PDE6B: variants seen among roughly 807,000 people sequenced by gnomAD.
PDE6B encodes rod cGMP-specific 3',5'-cyclic phosphodiesterase subunit beta.
In PDE6B, 106 loss-of-function variants were observed where a neutral mutation model predicts 109.0. That is an observed-to-expected ratio of 0.97 (90% CI 0.83 to 1.14). The LOEUF (loss-of-function observed/expected upper bound fraction) is 1.14, where lower values mean the gene tolerates loss of function less well. Ranked by LOEUF, PDE6B falls within the 50% of genes most tolerant of loss-of-function variation. The pLI is 0.00. For synonymous variants in PDE6B, 490 were observed against 471.3 expected, an observed-to-expected ratio of 1.04 and a Z score of -0.51; for missense variants, 1,193 against 1,155.6, an observed-to-expected ratio of 1.03 and a Z score of -0.47.
Position 626,966 on chromosome 4 carries a change from G to A in PDE6B, c.468+872G>A, listed in dbSNP as rs10017347. ...AGCCCCTTCTCCCTGTCCTGCACCC[G>A]TCCCAGCTTCCTCTCCCCTTTTCTG... On this transcript the variant is annotated intron_variant, in intron 1 of 21. Coordinates refer to ENST00000496514, the MANE Select transcript of PDE6B (RefSeq NM_000283.4). The surrounding 1 kb of genome is among the most constrained non-coding windows in gnomAD (Gnocchi z 4.6). 0.024 allele frequency among the ~76,000 whole-genome samples: 3,616 copies of A among 152,226 alleles called. 143 individuals are homozygous for A. The highest frequency in any genetic ancestry group is 0.083 in the African/African-American group (3,456 of 41,522).
At chr4:647,141 C>T (rs1167259184) in intron 3 of PDE6B, among the ~76,000 whole-genome samples, 5 of 152,030 alleles carry the variant, frequency 3.3e-5, no homozygotes, top group East Asian at 1.9e-4. Flanking sequence ...TACAGGCATG[C>T]GCCACCTCGC....
rs111504036 is a variant in PDE6B, at chr4:666,617, G to A, written c.2352+3G>A. The A allele has an allele frequency of 2.6e-4, 418 of 1,603,580 alleles. No individual in the cohort carries two copies. Among genetic ancestry groups the A allele is most frequent in the Middle Eastern group, 9.9e-4 (6 of 6,038 alleles). On this transcript the variant is annotated splice_donor_region_variant and intron_variant, in intron 20 of 21. Transcript: ENST00000496514. This position sits in a 1 kb window ranked among gnomAD's most constrained non-coding sequence, Gnocchi z 5.6. The stretch of plus-strand genomic sequence containing the variant: ...TCGTGTGCACATTCGTGTACAAGGC[G>A]AGTGGTTCACGGGTGTTCCGAGCTG...
intron 2 of PDE6B, among the ~76,000 whole-genome samples, chr4:635,345 G>GCCTC (rs1310442347): frequency 6.1e-5 from 8 of 130,856 alleles, no homozygotes; most frequent in African/African-American, 2.2e-4. Context: ...CTCCTTACCT[G>GCCTC]CCTGCCTGCC....
In PDE6B at chr4:634,723, CAA is replaced by C; in HGVS notation, c.517_518del (p.Lys173GlufsTer75). On this transcript the variant is annotated frameshift_variant, in exon 2 of 22. Coordinates refer to ENST00000496514, the MANE Select transcript of PDE6B (RefSeq NM_000283.4). LOFTEE classifies it high-confidence loss of function. The stretch of plus-strand genomic sequence containing the variant: ...GCTGACGAGCTCACTGACTACAAGA[CAA>C]AGAATATGCTGGCCACACCCATCAT... 6.2e-7 allele frequency: 1 copy of C among 1,612,642 alleles called. No individual in the cohort carries two copies. The highest frequency in any genetic ancestry group is 8.5e-7 in the Non-Finnish European group (1 of 1,178,612).
At chr4:627,167 G>A (rs1734151768) in intron 1 of PDE6B, among the ~76,000 whole-genome samples, 4 of 143,958 alleles carry the variant, frequency 2.8e-5, no homozygotes, top group Admixed American at 2.7e-4. Flanking sequence ...TTTTTTTTGA[G>A]ACAGAGTCTT....
rs895841827 is a variant in PDE6B at position 633,539 on chromosome 4, G to A, written c.469-1138G>A. Reference sequence around the variant, plus strand: ...AGTTGCGAGGAGTCTGCCCTCTGCTGCTGCAGGGCCACCGTCCCTAGAAAC... The same window carrying A: ...AGTTGCGAGGAGTCTGCCCTCTGCTACTGCAGGGCCACCGTCCCTAGAAAC... On this transcript the variant is annotated intron_variant, in intron 1 of 21. Coordinates refer to ENST00000496514, the MANE Select transcript of PDE6B (RefSeq NM_000283.4). The surrounding 1 kb of genome is among the most constrained non-coding windows in gnomAD (Gnocchi z 4.5). Among the ~76,000 whole-genome samples the A allele has an allele frequency of 2.6e-5, 4 of 152,180 alleles. No individual in the cohort carries two copies. The highest frequency in any genetic ancestry group is 4.4e-5 in the Non-Finnish European group (3 of 68,034).
chr4:642,853 G>C (rs1012202817), intron 3 of PDE6B, among the ~76,000 whole-genome samples: 1 of 151,506 alleles, frequency 6.6e-6, no homozygotes, highest in East Asian at 1.9e-4. Flanking sequence ...AATGAGTGTT[G>C]GATTTTTCAA....
chr4:656,441 A>T (rs1736252238), intron 8 of PDE6B, 149 bp downstream of exon 8: 1 of 706,372 alleles, frequency 1.4e-6, no homozygotes, highest in Admixed American at 2.0e-5. Context: ...GCACTTTGGG[A>T]GGCTGAGGCG....
At chr4:658,688 G>T (rs976008908) in intron 10 of PDE6B, among the ~76,000 whole-genome samples, 2 of 152,190 alleles carry the variant, frequency 1.3e-5, no homozygotes, top group Non-Finnish European at 2.9e-5. Context: ...TGCATGGCCA[G>T]AGCCCTCCTG....
chr4:664,963 C>G lies in PDE6B; in HGVS notation c.2193+19C>G, dbSNP rs1737618389. 6.3e-7 allele frequency: 1 copy of G among 1,593,468 alleles called. No individual in the cohort carries two copies. The highest frequency in any genetic ancestry group is 8.6e-7 in the Non-Finnish European group (1 of 1,162,134). ...GAGCAAGGTTAGAACAGAGGGCCCT[C>G]CAGACCCAGAGTCAGTGCCTCTCAG... On this transcript the variant is annotated intron_variant, in intron 18 of 21. Coordinates refer to ENST00000496514, the MANE Select transcript of PDE6B (RefSeq NM_000283.4).
rs376175923 is a variant in PDE6B, at chr4:657,042, G to A, written c.1257+19G>A. The stretch of plus-strand genomic sequence containing the variant: ...CATGGAGGTAAGCACCTGGGCAGAC[G>A]TGGTTCCGCCGGGGATGCCCTGCGA... On this transcript the variant is annotated intron_variant, in intron 9 of 21. Transcript: ENST00000496514. The A allele has an allele frequency of 5.3e-5, 86 of 1,611,486 alleles. No homozygotes were observed. The African/African-American group carries it at 9.2e-4, about 17-fold the overall frequency.
intron 1 of PDE6B, among the ~76,000 whole-genome samples, chr4:631,224 A>T (rs939525875): frequency 1.3e-5 from 2 of 152,224 alleles, no homozygotes; most frequent in Admixed American, 1.3e-4. Flanking sequence ...GGCTGTTCCC[A>T]TACTTTCTTT....
intron 5 of PDE6B, chr4:654,478 T>TGA: frequency 1.7e-6 from 1 of 589,156 alleles, no homozygotes; most frequent in Non-Finnish European, 3.1e-6. Context: ...TGTGTGTGTG[T>TGA]GTGAGAGTAC....
Position 631,507 on chromosome 4 carries a change from G to A in PDE6B, c.469-3170G>A, listed in dbSNP as rs543807801. On this transcript the variant is annotated intron_variant, in intron 1 of 21. Transcript: ENST00000496514. ...TGGCGCTGTCTGAAGGTCATGTTAT[G>A]TGGATCTGTGTGACACCGTCTGAGG... Among the ~76,000 whole-genome samples the A allele has an allele frequency of 5.9e-5, 9 of 152,158 alleles. No homozygotes were observed. In the South Asian group the frequency reaches 1.9e-3, roughly 32 times the overall value.
rs1381962822 is a variant in PDE6B, at chr4:636,573, TG to T, written c.711+609del. 6.6e-6 allele frequency among the ~76,000 whole-genome samples: 1 copy of T among 151,736 alleles called. No individual in the cohort carries two copies. The highest frequency in any genetic ancestry group is 1.5e-5 in the Non-Finnish European group (1 of 67,922). On this transcript the variant is annotated intron_variant, in intron 3 of 21. Coordinates refer to ENST00000496514, the MANE Select transcript of PDE6B (RefSeq NM_000283.4). This position sits in a 1 kb window ranked among gnomAD's most constrained non-coding sequence, Gnocchi z 4.5. Reference sequence around the variant, plus strand: ...AGACCTGGATGGATAGTGAGTGGGCTGGGGGAGGGAGGCTCTATGTTGGGGC... The same window carrying T: ...AGACCTGGATGGATAGTGAGTGGGCTGGGGAGGGAGGCTCTATGTTGGGGC...
chr4:629,329 G>A (rs1477258188), intron 1 of PDE6B, among the ~76,000 whole-genome samples: 1 of 152,250 alleles, frequency 6.6e-6, no homozygotes, highest in East Asian at 1.9e-4. Flanking sequence ...ACCTGCAAGA[G>A]TTCACAGCGA....
Position 670,138 on chromosome 4 carries a change from C to T in PDE6B, c.*31C>T. On this transcript the variant is annotated 3_prime_UTR_variant, in exon 22 of 22. Coordinates refer to ENST00000496514, the MANE Select transcript of PDE6B (RefSeq NM_000283.4). ...GGTCCCATGGGGACCCTATGGCTCC[C>T]TCAATCTTCACCCACTAGGATTTGG... The T allele has an allele frequency of 6.2e-7, 1 of 1,612,208 alleles. No individual in the cohort carries two copies. The highest frequency in any genetic ancestry group is 8.5e-7 in the Non-Finnish European group (1 of 1,178,918).
At chr4:644,534 A>G (rs1735106776) in intron 3 of PDE6B, among the ~76,000 whole-genome samples, 1 of 151,090 alleles carries the variant, frequency 6.6e-6, no homozygotes. Flanking sequence ...TGTTTTTTTT[A>G]TTTTTATTTT....
chr4:654,411 C>A, intron 5 of PDE6B: 1 of 634,350 alleles, frequency 1.6e-6, no homozygotes, highest in Non-Finnish European at 2.9e-6. Flanking sequence ...ATTGTGGGGG[C>A]TCCTGCTGCC....
Sources: gnomAD v4.1 joint callset for allele counts (sites outside exome capture counted in the v4.1 genomes callset) on GRCh38, gnomAD v4.1.1 for gene constraint, Gnocchi (gnomAD v3.1) non-coding constraint, MANE v1.5 for transcripts, NCBI Gene and HGNC (gene_info 2026-07-23, HGNC 2026-07-21) for gene names.